Variants in WNT2 observed in about 807,000 individuals in gnomAD.
The protein encoded by WNT2 is Wnt family member 2.
In WNT2, 12 loss-of-function variants were observed where a neutral mutation model predicts 36.9. The observed-to-expected ratio is 0.33, with a 90% confidence interval of 0.21 to 0.53. WNT2 has a LOEUF of 0.53. Among genes scored for constraint, WNT2 ranks in the 20% least tolerant of loss-of-function variants. The pLI is 0.95. For missense variants in WNT2, 379 were observed against 473.1 expected (o/e 0.80, Z 1.84); for synonymous variants, 163 against 174.6 (o/e 0.93, Z 0.52).
At chr7:117,313,230 A>G (rs1413295250) in intron 3 of WNT2, among the ~76,000 whole-genome samples, 1 of 152,240 alleles carries the variant, frequency 6.6e-6, no homozygotes, top group Admixed American at 6.5e-5. Context: ...TTAGAGACGC[A>G]TGTTTATCTC....
chr7:117,307,066 CT>C (rs557529949), intron 3 of WNT2, among the ~76,000 whole-genome samples: 4 of 151,566 alleles, frequency 2.6e-5, no homozygotes, highest in African/African-American at 4.8e-5. Context: ...TTTTAGTGTT[CT>C]TTTTTTCTTT....
Position 117,288,487 on chromosome 7 carries a change from G to A in WNT2, c.853+9125C>T, listed in dbSNP as rs200905946. 1.5e-3 allele frequency among the ~76,000 whole-genome samples: 232 copies of A among 152,278 alleles called. 1 individual carries two copies. Among genetic ancestry groups the A allele is most frequent in the Non-Finnish European group, 2.7e-3 (187 of 68,010 alleles). On this transcript the variant is annotated intron_variant, in intron 4 of 4. Transcript: ENST00000265441. ...AGATATTTACCAGTACAAAATAGGT[G>A]TCATGGGGAAAGCTTAAATGAAGTA...
intron 3 of WNT2, among the ~76,000 whole-genome samples, chr7:117,301,623 G>A (rs1032808350): frequency 3.9e-5 from 6 of 152,128 alleles, no homozygotes; most frequent in Non-Finnish European, 5.9e-5. Flanking sequence ...GAAAACCTGC[G>A]CTCTGCGAGG....
chr7:117,295,150 A>C (rs10265354), intron 4 of WNT2, among the ~76,000 whole-genome samples: 1 of 111,648 alleles, frequency 9.0e-6, no homozygotes, highest in Non-Finnish European at 1.8e-5. Flanking sequence ...GAGACGAGAC[A>C]AGATGAGATG....
chr7:117,315,097 G>T lies in WNT2; in HGVS notation c.562C>A (p.Leu188Ile), dbSNP rs754487265. The T allele has an allele frequency of 6.2e-7, 1 of 1,614,150 alleles. No homozygotes were observed. Among genetic ancestry groups the T allele is most frequent in the Non-Finnish European group, 8.5e-7 (1 of 1,180,002 alleles). Residue 188 changes from leucine (L) to isoleucine (I), a missense_variant, in exon 3 of 5, where the codon CTT (leucine) becomes ATT (isoleucine). Coordinates refer to ENST00000265441, the MANE Select transcript of WNT2 (RefSeq NM_003391.3). ...KGKDARALMNLHNNRAGRKAV... is the reference protein window; with the variant it reads ...KGKDARALMNIHNNRAGRKAV... The stretch of plus-strand genomic sequence containing the variant: ...TTCCTGCCAGCTCTGTTGTTGTGAA[G>T]ATTCATCAGGGCTCTGGCATCCTTT...
chr7:117,291,348 C>G (rs575602958), intron 4 of WNT2, among the ~76,000 whole-genome samples: 24 of 152,242 alleles, frequency 1.6e-4, no homozygotes, highest in Non-Finnish European at 3.4e-4. Flanking sequence ...TCAGGGTGAC[C>G]TCTGGCCCAG....
At chr7:117,313,445 A>C (rs1342856542) in intron 3 of WNT2, among the ~76,000 whole-genome samples, 3 of 152,242 alleles carry the variant, frequency 2.0e-5, no homozygotes, top group African/African-American at 7.2e-5. Flanking sequence ...CACGGTGAAG[A>C]ATCATGTGAT....
At chr7:117,300,242 A>G (rs956435509) in intron 3 of WNT2, among the ~76,000 whole-genome samples, 21 of 152,150 alleles carry the variant, frequency 1.4e-4, no homozygotes, top group African/African-American at 5.1e-4. Flanking sequence ...GGTGGAGTGC[A>G]GTGGCGCGAT....
At chr7:117,301,979 T>C (rs1266703348) in intron 3 of WNT2, among the ~76,000 whole-genome samples, 1 of 151,998 alleles carries the variant, frequency 6.6e-6, no homozygotes, top group Non-Finnish European at 1.5e-5. Flanking sequence ...TGCTATTTTT[T>C]TGTATTTTTA....
intron 4 of WNT2, among the ~76,000 whole-genome samples, chr7:117,283,303 TTTAC>T (rs1794521092): frequency 6.6e-6 from 1 of 152,180 alleles, no homozygotes; most frequent in Non-Finnish European, 1.5e-5. Context: ...ACTCTTAATT[TTTAC>T]TTTTTTGTTA....
Position 117,322,567 on chromosome 7 carries a change from A to ACG in WNT2, c.83+339_83+340insCG. Among the ~76,000 whole-genome samples the ACG allele has an allele frequency of 6.6e-6, 1 of 151,866 alleles. No individual in the cohort carries two copies. The highest frequency in any genetic ancestry group is 1.9e-4 in the East Asian group (1 of 5,142). On this transcript the variant is annotated intron_variant, in intron 1 of 4. Transcript: ENST00000265441. The surrounding 1 kb of genome is among the most constrained non-coding windows in gnomAD (Gnocchi z 5.4). Reference sequence around the variant, plus strand: ...CACACACACACACACACACACACACACACACGTCTGTGCTAGAGCTGGAGA... The same window carrying ACG: ...CACACACACACACACACACACACACACGCACACGTCTGTGCTAGAGCTGGAGA...
At chr7:117,318,681 G>T (rs1025289217) in intron 2 of WNT2, among the ~76,000 whole-genome samples, 11 of 152,100 alleles carry the variant, frequency 7.2e-5, no homozygotes, top group African/African-American at 2.7e-4. Flanking sequence ...GGGATTAAGG[G>T]CATGTACCAC....
intron 4 of WNT2, among the ~76,000 whole-genome samples, chr7:117,296,558 T>C (rs2116352812): frequency 6.6e-6 from 1 of 152,266 alleles, no homozygotes; most frequent in East Asian, 1.9e-4. Flanking sequence ...TTCTACCAAG[T>C]CTTAGAAATT....
At chr7:117,319,886 A>G (rs1242489961) in intron 2 of WNT2, among the ~76,000 whole-genome samples, 3 of 152,200 alleles carry the variant, frequency 2.0e-5, no homozygotes, top group Non-Finnish European at 4.4e-5. Context: ...CTGGAAAATA[A>G]TAGGTAGCCA....
In WNT2 at chr7:117,287,996, GA is replaced by G. The variant is rs573073219; in HGVS notation, c.854-9613del. On this transcript the variant is annotated intron_variant, in intron 4 of 4. Coordinates refer to ENST00000265441, the MANE Select transcript of WNT2 (RefSeq NM_003391.3). Reference sequence around the variant, plus strand: ...GAGCAAGACTCCGTCTCAGGGAAAAGAAAAAAAAAAATTAAGATCAGCTTTC... The same window carrying G: ...GAGCAAGACTCCGTCTCAGGGAAAAGAAAAAAAAAATTAAGATCAGCTTTC... Among the ~76,000 whole-genome samples the G allele has an allele frequency of 4.2e-3, 611 of 146,420 alleles. 6 individuals are homozygous for G. Among genetic ancestry groups the G allele is most frequent in the African/African-American group, 0.013 (537 of 40,056 alleles).
chr7:117,297,483 A>G (rs1303398159), intron 4 of WNT2, 129 bp downstream of exon 4: 3 of 1,256,280 alleles, frequency 2.4e-6, no homozygotes, highest in African/African-American at 1.5e-5. Context: ...TACAGTTTCA[A>G]TAAGAATGAT....
chr7:117,310,477 T>G (rs926482214), intron 3 of WNT2, among the ~76,000 whole-genome samples: 1 of 149,886 alleles, frequency 6.7e-6, no homozygotes, highest in African/African-American at 2.5e-5. Flanking sequence ...TCCCGGCTAC[T>G]GAGACTGAGG....
intron 3 of WNT2, among the ~76,000 whole-genome samples, chr7:117,303,968 C>T (rs1318282764): frequency 3.3e-5 from 5 of 152,238 alleles, no homozygotes; most frequent in Admixed American, 3.3e-4. Flanking sequence ...CCAGGACTGG[C>T]TCCACAGCTC....
chr7:117,299,479 CTTCT>C lies in WNT2; in HGVS notation c.589-1607_589-1604del, dbSNP rs900791497. On this transcript the variant is annotated intron_variant, in intron 3 of 4. Transcript: ENST00000265441. ...GACAGGAAATATTACTGCTCCTCCT[CTTCT>C]TTCTTTCTTTCTTTTTTTTTTTTTT... Among the ~76,000 whole-genome samples the C allele has an allele frequency of 1.5e-4, 22 of 150,874 alleles. 1 individual carries two copies. The highest frequency in any genetic ancestry group is 2.1e-4 in the South Asian group (1 of 4,766).
Sources: gnomAD v4.1 joint callset for allele counts (sites outside exome capture counted in the v4.1 genomes callset) on GRCh38, gnomAD v4.1.1 for gene constraint, Gnocchi (gnomAD v3.1) non-coding constraint, MANE v1.5 for transcripts, NCBI Gene and HGNC (gene_info 2026-07-23, HGNC 2026-07-21) for gene names.